The following ACTN4 variants were observed in gnomAD, a reference collection of about 807,000 sequenced individuals.
The protein encoded by ACTN4 is alpha-actinin-4.
A neutral mutation model predicts 114.2 loss-of-function variants in ACTN4; 18 were observed. That is an observed-to-expected ratio of 0.16 (90% confidence interval 0.11 to 0.23). ACTN4 has a LOEUF of 0.23. Ranked by LOEUF, ACTN4 falls within the 10% of genes least tolerant of loss-of-function variation. ACTN4 has a pLI of 1.00. For synonymous variants in ACTN4, 515 were observed against 506.3 expected, an observed-to-expected ratio of 1.02 and a Z score of -0.23; for missense variants, 722 against 1,262.9, an observed-to-expected ratio of 0.57 and a Z score of 6.49.
At position 38,730,702 on chromosome 19, in the gene ACTN4, G is replaced by A. The variant is rs947285460; in HGVS notation, c.*1270G>A. On this transcript the variant is annotated 3_prime_UTR_variant, in exon 21 of 21. Coordinates refer to ENST00000252699, the MANE Select transcript of ACTN4 (RefSeq NM_004924.6). ...CTGAGTGAGGAGTACGCAGGCCAGA[G>A]TGGTCACCCGGCCGTGAGCAGTGAG... The A allele has an allele frequency of 3.4e-6, 3 of 892,346 alleles. No homozygotes were observed. The highest frequency in any genetic ancestry group is 5.2e-6 in the Non-Finnish European group (3 of 574,452). The allele number at this position is 892,346 out of a possible 1,614,324, so 55.3% of individuals were successfully genotyped here.
intron 17 of ACTN4, 54 bp downstream of exon 17, chr19:38,725,957 C>G: frequency 6.2e-7 from 1 of 1,603,436 alleles, no homozygotes; most frequent in Non-Finnish European, 8.5e-7. Context: ...GGCTTCCTCA[C>G]TGGAAATGGT....
intron 1 of ACTN4, among the ~76,000 whole-genome samples, chr19:38,654,967 T>C (rs1334049869): frequency 6.6e-6 from 1 of 152,196 alleles, no homozygotes; most frequent in Non-Finnish European, 1.5e-5. Flanking sequence ...CCTGTTGTTG[T>C]GCTGGCTCCT....
intron 6 of ACTN4, among the ~76,000 whole-genome samples, 159 bp downstream of exon 6, chr19:38,708,354 C>G (rs1968529833): frequency 6.6e-6 from 1 of 152,198 alleles, no homozygotes; most frequent in Non-Finnish European, 1.5e-5. Context: ...CTCTCCGCAA[C>G]CCCTGGCTCG....
At chr19:38,718,248 C>T in intron 11 of ACTN4, 174 bp downstream of exon 11, 1 of 1,146,796 alleles carries the variant, frequency 8.7e-7, no homozygotes. Flanking sequence ...GCTTTAGAGC[C>T]AGGTTCAGTG....
At chr19:38,725,432 G>A in intron 16 of ACTN4, among the ~76,000 whole-genome samples, 1 of 152,258 alleles carries the variant, frequency 6.6e-6, no homozygotes, top group Non-Finnish European at 1.5e-5. Flanking sequence ...GTCAGGGCCT[G>A]CCACAGCCCT....
chr19:38,728,873 G>A (rs1323167041), intron 19 of ACTN4, 123 bp from the exon 20 acceptor site: 28 of 1,231,654 alleles, frequency 2.3e-5, no homozygotes, highest in Middle Eastern at 2.7e-4. Context: ...GGAACAGGGC[G>A]CACGCACACG....
At chr19:38,703,396 G>A (rs1012347216) in intron 3 of ACTN4, among the ~76,000 whole-genome samples, 4 of 151,278 alleles carry the variant, frequency 2.6e-5, no homozygotes, top group Admixed American at 6.6e-5. Context: ...CCGCCACCAC[G>A]CCAGGCTAAT....
At chr19:38,703,619 C>T (rs2145004049) in intron 3 of ACTN4, among the ~76,000 whole-genome samples, 1 of 152,332 alleles carries the variant, frequency 6.6e-6, no homozygotes, top group East Asian at 1.9e-4. Context: ...CCTGACAACA[C>T]AGCAGCCATG....
chr19:38,731,039 C>A lies in ACTN4; in HGVS notation c.*1607C>A. 1.3e-6 allele frequency: 2 copies of A among 1,556,896 alleles called. No individual in the cohort carries two copies. Among genetic ancestry groups the A allele is most frequent in the South Asian group, 2.4e-5 (2 of 84,716 alleles). On this transcript the variant is annotated 3_prime_UTR_variant, in exon 21 of 21. Transcript: ENST00000252699. Reference sequence around the variant, plus strand: ...CTGCAGTGGCCTGTGCAGAGAGGGGCAGGGTGAGTGCCCACCAGTCCCCGT... The same window carrying A: ...CTGCAGTGGCCTGTGCAGAGAGGGGAAGGGTGAGTGCCCACCAGTCCCCGT...
intron 1 of ACTN4, among the ~76,000 whole-genome samples, chr19:38,691,835 G>A (rs1246238010): frequency 1.3e-5 from 2 of 151,960 alleles, no homozygotes; most frequent in African/African-American, 4.8e-5. Flanking sequence ...CCCGGGAGGT[G>A]GAGGCTGCAG....
chr19:38,700,825 G>A (rs547593313), intron 2 of ACTN4, 111 bp downstream of exon 2: 2 of 1,375,616 alleles, frequency 1.5e-6, no homozygotes, highest in East Asian at 2.4e-5. Context: ...GGGAGGAGAG[G>A]GCACCCCTTA....
chr19:38,700,485 T>C, intron 1 of ACTN4, 115 bp from the exon 2 acceptor site: 1 of 828,030 alleles, frequency 1.2e-6, no homozygotes, highest in Non-Finnish European at 2.1e-6. Context: ...TGTCGGCGAG[T>C]GCTCCGTGGC....
chr19:38,718,216 A>ATG (rs754400635), intron 11 of ACTN4, 142 bp downstream of exon 11: 4 of 1,395,350 alleles, frequency 2.9e-6, no homozygotes, highest in South Asian at 1.2e-5. Flanking sequence ...GCTTGGGAGC[A>ATG]TGTGTGTGTG....
Position 38,650,785 on chromosome 19 carries a change from T to C in ACTN4, c.162+2878T>C, listed in dbSNP as rs553783659. On this transcript the variant is annotated intron_variant, in intron 1 of 20. Transcript: ENST00000252699. ...GTTTTTGGAGACGGAGTTTTGCTCTTGTTGCCCGGGCGTGATCTTGGCTCA... is the reference window on the plus strand; with the variant it reads ...GTTTTTGGAGACGGAGTTTTGCTCTCGTTGCCCGGGCGTGATCTTGGCTCA... Among the ~76,000 whole-genome samples, 42 of 152,226 alleles carry C rather than the reference T, an allele frequency of 2.8e-4. 1 individual carries two copies. Among genetic ancestry groups the C allele is most frequent in the Admixed American group, 1.4e-3 (21 of 15,278 alleles).
chr19:38,705,059 T>G, intron 4 of ACTN4, 39 bp downstream of exon 4: 1 of 1,571,684 alleles, frequency 6.4e-7, no homozygotes, highest in South Asian at 1.1e-5. Flanking sequence ...CCCACCTGAG[T>G]CAGGGCGGGT....
Position 38,718,085 on chromosome 19 carries a change from G to A in ACTN4, c.1291+11G>A. 6.2e-7 allele frequency: 1 copy of A among 1,602,246 alleles called. No individual in the cohort carries two copies. Among genetic ancestry groups the A allele is most frequent in the Non-Finnish European group, 8.5e-7 (1 of 1,174,336 alleles). On this transcript the variant is annotated intron_variant, in intron 11 of 20. Transcript: ENST00000252699. ...AGGCCTGGACTGACGGTACGGCCCAGCTCTGCCCCACTCTGCCCAGCCCCG... is the reference window on the plus strand; with the variant it reads ...AGGCCTGGACTGACGGTACGGCCCAACTCTGCCCCACTCTGCCCAGCCCCG...
At position 38,717,374 on chromosome 19, in the gene ACTN4, G is replaced by A; in HGVS notation, c.1143+58G>A. Reference sequence around the variant, plus strand: ...GAGGGGCAGAGGCAGCCCTAGAACTGCCTGTGGGCAGTTTGGCCAGCGTAA... The same window carrying A: ...GAGGGGCAGAGGCAGCCCTAGAACTACCTGTGGGCAGTTTGGCCAGCGTAA... On this transcript the variant is annotated intron_variant, in intron 10 of 20. Transcript: ENST00000252699. The surrounding 1 kb of genome is among the most constrained non-coding windows in gnomAD (Gnocchi z 4.0). The A allele has an allele frequency of 6.3e-7, 1 of 1,582,594 alleles. No individual in the cohort carries two copies. Among genetic ancestry groups the A allele is most frequent in the Non-Finnish European group, 8.6e-7 (1 of 1,165,048 alleles).
intron 3 of ACTN4, among the ~76,000 whole-genome samples, chr19:38,704,718 C>A (rs1013387366): frequency 1.3e-5 from 2 of 152,224 alleles, no homozygotes; most frequent in Non-Finnish European, 2.9e-5. Context: ...CCTGCAGGCG[C>A]TCAGCAGCAG....
intron 8 of ACTN4, among the ~76,000 whole-genome samples, chr19:38,712,307 C>T (rs1371242655): frequency 6.6e-6 from 1 of 152,208 alleles, no homozygotes. Context: ...AGGTGCATTA[C>T]CTACCGTCAG....
Sources: allele counts gnomAD v4.1 joint callset (sites outside exome capture counted in the v4.1 genomes callset), GRCh38; gene constraint gnomAD v4.1.1; non-coding constraint Gnocchi (gnomAD v3.1); transcripts MANE v1.5; gene names NCBI Gene and HGNC (gene_info 2026-07-23, HGNC 2026-07-21).